NEBL: variants seen among roughly 807,000 people sequenced by gnomAD.
The protein encoded by NEBL is LIM and SH3 protein 2.
Under a neutral mutation model 140.2 loss-of-function variants are expected in NEBL, and 122 were observed. The ratio of observed to expected loss-of-function variants is 0.87; its 90% CI spans 0.75 to 1.01. NEBL has a LOEUF of 1.01. Among genes scored for constraint, NEBL ranks in the 50% least tolerant of loss-of-function variants. The pLI is 0.00. For synonymous variants in NEBL, 436 were observed against 398.9 expected (o/e 1.09, Z -1.11); for missense variants, 1,365 against 1,231.3 (o/e 1.11, Z -1.62).
chr10:20,967,560 G>A (rs1417289047), intron 3 of NEBL, among the ~76,000 whole-genome samples: 1 of 152,006 alleles, frequency 6.6e-6, no homozygotes, highest in Non-Finnish European at 1.5e-5. Flanking sequence ...CCTGGGAGGC[G>A]GAGGTTGCAG....
intron 10 of NEBL, 83 bp from the exon 11 acceptor site, chr10:20,850,585 C>T (rs567886251): frequency 1.1e-6 from 1 of 889,062 alleles, no homozygotes; most frequent in African/African-American, 1.6e-5. Flanking sequence ...ATGTTCTAAA[C>T]TAGTCATCTT....
intron 4 of NEBL, among the ~76,000 whole-genome samples, chr10:20,882,018 A>G (rs1156599248): frequency 1.3e-5 from 2 of 152,112 alleles, no homozygotes; most frequent in Non-Finnish European, 2.9e-5. Flanking sequence ...ATCTCTACTA[A>G]ATATCGAAAA....
At chr10:21,011,827 A>G (rs898174933) in intron 3 of NEBL, among the ~76,000 whole-genome samples, 2 of 152,168 alleles carry the variant, frequency 1.3e-5, no homozygotes, top group African/African-American at 4.8e-5. Context: ...CCCTGGCCCC[A>G]GGGCCACACT....
chr10:21,057,611 G>A (rs971142164), intron 2 of NEBL, among the ~76,000 whole-genome samples: 2 of 143,238 alleles, frequency 1.4e-5, no homozygotes, highest in Admixed American at 7.5e-5. Flanking sequence ...GTGCAGTAGC[G>A]TGAACTTGGC....
chr10:21,244,919 G>A (rs1045307454), intron 3 of NEBL, among the ~76,000 whole-genome samples: 9 of 151,634 alleles, frequency 5.9e-5, no homozygotes, highest in Non-Finnish European at 7.4e-5. Context: ...CACTTCAGGA[G>A]GCCAAGATGG....
intron 25 of NEBL, 85 bp downstream of exon 25, chr10:20,809,721 C>T: frequency 3.7e-6 from 4 of 1,089,592 alleles, no homozygotes; most frequent in Non-Finnish European, 4.2e-6. Context: ...TTACATTACA[C>T]AGTACAATGA....
intron 7 of NEBL, among the ~76,000 whole-genome samples, chr10:20,867,094 A>G (rs1228693048): frequency 6.6e-6 from 1 of 152,126 alleles, no homozygotes; most frequent in Non-Finnish European, 1.5e-5. Context: ...CTCTTTTTTT[A>G]TATTTTAAAA....
rs146660708 is a variant in NEBL at position 21,168,115 on chromosome 10, T to C, written c.164+4268A>G. Among the ~76,000 whole-genome samples the C allele has an allele frequency of 1.5e-3, 230 of 152,338 alleles. 6 individuals are homozygous for C. In the East Asian group the frequency reaches 0.04, roughly 27 times the overall value. On this transcript the variant is annotated intron_variant, in intron 2 of 6. Transcript: ENST00000417816. ...ATTATATTTTATACATGTTCTCCTT[T>C]GCATGAAATCAAACAGAATACTTGT... is the stretch of plus-strand genomic sequence containing the variant.
intron 11 of NEBL, among the ~76,000 whole-genome samples, chr10:20,846,847 T>C (rs1014208057): frequency 1.3e-5 from 2 of 150,292 alleles, no homozygotes; most frequent in East Asian, 1.9e-4. Context: ...AATATATAGC[T>C]AGAAAAAAAA....
chr10:21,062,347 T>C (rs971157472), intron 2 of NEBL, among the ~76,000 whole-genome samples: 2 of 151,966 alleles, frequency 1.3e-5, no homozygotes, highest in African/African-American at 4.8e-5. Context: ...CTGTTATGTA[T>C]GCCTAGGGGT....
chr10:21,017,715 G>A (rs1838611638), intron 3 of NEBL, among the ~76,000 whole-genome samples: 2 of 152,096 alleles, frequency 1.3e-5, no homozygotes, highest in Admixed American at 1.3e-4. Flanking sequence ...CCTTCGAAAG[G>A]GAGGAGACAG....
At chr10:21,163,547 AG>A (rs1426977603) in intron 2 of NEBL, among the ~76,000 whole-genome samples, 1 of 152,216 alleles carries the variant, frequency 6.6e-6, no homozygotes, top group East Asian at 1.9e-4. Flanking sequence ...CAACATTGGC[AG>A]GCAACCTTCT....
chr10:20,903,105 T>C (rs553242880), intron 4 of NEBL, among the ~76,000 whole-genome samples: 3 of 152,254 alleles, frequency 2.0e-5, no homozygotes, highest in East Asian at 1.9e-4. Context: ...AGCCCCCCAA[T>C]AGAAGCCTGA....
intron 2 of NEBL, among the ~76,000 whole-genome samples, chr10:21,022,195 C>T (rs558328838): frequency 6.6e-6 from 1 of 152,284 alleles, no homozygotes; most frequent in African/African-American, 2.4e-5. Context: ...CAGAGCTGCT[C>T]CTCAAAGAAC....
At chr10:20,823,177 T>A in intron 19 of NEBL, 31 bp downstream of exon 19, 1 of 1,525,584 alleles carries the variant, frequency 6.6e-7, no homozygotes, top group Non-Finnish European at 9.0e-7. Context: ...TACAATAAAA[T>A]TTTTAAAAAA....
At chr10:20,862,279 A>G (rs996812146) in intron 7 of NEBL, among the ~76,000 whole-genome samples, 1 of 152,240 alleles carries the variant, frequency 6.6e-6, no homozygotes, top group Admixed American at 6.5e-5. Flanking sequence ...ATCTTGTTTG[A>G]ACGTTCAGTA....
At chr10:21,153,419 C>G (rs1044223737) in intron 2 of NEBL, among the ~76,000 whole-genome samples, 4 of 152,054 alleles carry the variant, frequency 2.6e-5, no homozygotes, top group Admixed American at 1.3e-4. Flanking sequence ...CTCCCGGGTT[C>G]AAGTGATTCT....
intron 2 of NEBL, among the ~76,000 whole-genome samples, chr10:21,138,517 A>G (rs566005442): frequency 6.6e-6 from 1 of 152,328 alleles, no homozygotes; most frequent in East Asian, 1.9e-4. Flanking sequence ...TCAGGGTTCA[A>G]TAAAATGTCA....
intron 2 of NEBL, chr10:21,030,362 T>C: frequency 1.6e-6 from 1 of 613,516 alleles, no homozygotes; most frequent in Non-Finnish European, 3.0e-6. Flanking sequence ...CAAAAGTCAA[T>C]CAGACCAGGA....
Sources: gnomAD v4.1 joint callset for allele counts (sites outside exome capture counted in the v4.1 genomes callset) on GRCh38, gnomAD v4.1.1 for gene constraint, MANE v1.5 for transcripts, NCBI Gene and HGNC (gene_info 2026-07-23, HGNC 2026-07-21) for gene names.